STPG2: variants seen among roughly 807,000 people sequenced by gnomAD.
STPG2 encodes sperm tail PG-rich repeat containing 2, also known as sperm-tail PG-rich repeat-containing protein 2.
A neutral mutation model predicts 54.2 loss-of-function variants in STPG2; 56 were observed. The observed-to-expected ratio is 1.03, with a 90% CI of 0.83 to 1.29. The LOEUF (loss-of-function observed/expected upper bound fraction) is 1.29. Ranked by LOEUF, STPG2 falls within the 50% of genes most tolerant of loss-of-function variation. The pLI, the probability that STPG2 is intolerant of heterozygous loss-of-function variation, is 0.00. For missense variants in STPG2, 596 were observed against 544.9 expected (o/e 1.09, Z -0.93); for synonymous variants, 200 against 181.8 (o/e 1.10, Z -0.81).
Position 98,121,939 on chromosome 4 carries a change from C to T in STPG2, c.387+6489G>A, listed in dbSNP as rs190345875. On this transcript the variant is annotated intron_variant, in intron 3 of 10. Coordinates refer to ENST00000295268, the MANE Select transcript of STPG2 (RefSeq NM_174952.3). ...GTTTCACCATGTTGGCCAGGATGGT[C>T]TCAATCTCTTGACCTCGTGATCCAC... Among the ~76,000 whole-genome samples the T allele has an allele frequency of 5.9e-3, 901 of 152,218 alleles. 6 individuals carry two copies. The highest frequency in any genetic ancestry group is 0.02 in the Middle Eastern group (6 of 294).
At chr4:97,723,258 T>G (rs1169667395) in intron 9 of STPG2, among the ~76,000 whole-genome samples, 1 of 151,664 alleles carries the variant, frequency 6.6e-6, no homozygotes, top group Non-Finnish European at 1.5e-5. Context: ...ACTTTTGGAG[T>G]TTTTAGTAAG....
chr4:97,535,073 T>G (rs1416351564), intron 4 of STPG2, among the ~76,000 whole-genome samples: 2 of 152,230 alleles, frequency 1.3e-5, no homozygotes, highest in East Asian at 3.8e-4. Context: ...GAACAACATT[T>G]ATGTAAGGCT....
intron 9 of STPG2, among the ~76,000 whole-genome samples, chr4:97,794,090 A>G (rs1054799728): frequency 6.6e-6 from 1 of 152,104 alleles, no homozygotes; most frequent in Admixed American, 6.6e-5. Context: ...TTTGTAATAT[A>G]TTTATCATTA....
At chr4:98,116,488 A>G (rs758443198) in intron 3 of STPG2, among the ~76,000 whole-genome samples, 2 of 151,928 alleles carry the variant, frequency 1.3e-5, no homozygotes, top group Non-Finnish European at 2.9e-5. Flanking sequence ...ACACATAACC[A>G]GGAAGTCTGG....
intron 3 of STPG2, among the ~76,000 whole-genome samples, chr4:98,127,802 C>T (rs967726936): frequency 2.0e-5 from 3 of 152,118 alleles, no homozygotes; most frequent in African/African-American, 7.2e-5. Flanking sequence ...TATATTGTAA[C>T]TGATATTTCA....
At chr4:97,890,994 A>G (rs984039608) in intron 8 of STPG2, among the ~76,000 whole-genome samples, 2 of 152,004 alleles carry the variant, frequency 1.3e-5, no homozygotes, top group Non-Finnish European at 2.9e-5. Context: ...TTAGTATTAT[A>G]GGCATATAAT....
intron 10 of STPG2, among the ~76,000 whole-genome samples, chr4:97,707,441 C>T (rs925703958): frequency 1.6e-4 from 24 of 151,996 alleles, no homozygotes; most frequent in African/African-American, 3.6e-4. Context: ...GAATTACTTG[C>T]GCCTAGGAGG....
rs1028885100 is a variant in STPG2, at chr4:98,026,224, A to G, written c.613-44906T>C. 1.5e-5 allele frequency: 16 copies of G among 1,093,356 alleles called. No homozygotes were observed. The African/African-American group carries it at 1.6e-4, about 11-fold the overall frequency. 67.7% of individuals were successfully genotyped at this position (1,093,356 alleles called of 1,614,324 possible). On this transcript the variant is annotated intron_variant, in intron 5 of 10. Transcript: ENST00000295268. ...AGAAAGATCGGGTAGCTCAAAAGAA[A>G]GCAAGCCCCCTCAAGAGCTCAGGAG... is the stretch of plus-strand genomic sequence containing the variant.
At chr4:97,880,014 C>A (rs1484200825) in intron 8 of STPG2, among the ~76,000 whole-genome samples, 3 of 152,162 alleles carry the variant, frequency 2.0e-5, no homozygotes, top group Non-Finnish European at 2.9e-5. Context: ...CTTTTTGCAG[C>A]ATTATTCACA....
chr4:97,990,206 T>G (rs1486336448), intron 5 of STPG2, among the ~76,000 whole-genome samples: 1 of 152,218 alleles, frequency 6.6e-6, no homozygotes, highest in Non-Finnish European at 1.5e-5. Context: ...TCTTTTCTTC[T>G]GCTTTTTTGT....
intron 10 of STPG2, among the ~76,000 whole-genome samples, chr4:97,674,188 G>GATCAA (rs1560712906): frequency 7.2e-5 from 11 of 152,018 alleles, no homozygotes. Context: ...CCTCTAATCA[G>GATCAA]ATCAAAAGCT....
chr4:97,482,605 G>A (rs1730250519), intron 4 of STPG2, among the ~76,000 whole-genome samples: 1 of 151,622 alleles, frequency 6.6e-6, no homozygotes, highest in South Asian at 2.1e-4. Context: ...AGAGGAAGGA[G>A]AGAAATCTAA....
intron 10 of STPG2, among the ~76,000 whole-genome samples, chr4:97,611,872 G>A (rs1254752790): frequency 6.6e-6 from 1 of 151,732 alleles, no homozygotes; most frequent in Admixed American, 6.6e-5. Flanking sequence ...AAATGTAAAT[G>A]AATATGTATT....
intron 10 of STPG2, among the ~76,000 whole-genome samples, chr4:97,562,467 T>C (rs1732281337): frequency 6.6e-6 from 1 of 152,152 alleles, no homozygotes; most frequent in Non-Finnish European, 1.5e-5. Flanking sequence ...GGCCAGAACT[T>C]CCAACACTAT....
intron 8 of STPG2, among the ~76,000 whole-genome samples, chr4:97,904,524 G>C (rs1401527026): frequency 6.6e-6 from 1 of 152,152 alleles, no homozygotes; most frequent in African/African-American, 2.4e-5. Context: ...CAGAAAAACT[G>C]GAAACTCTAA....
chr4:97,519,876 TA>T (rs1269603858), intron 4 of STPG2, among the ~76,000 whole-genome samples: 17 of 152,140 alleles, frequency 1.1e-4, no homozygotes, highest in African/African-American at 2.2e-4. Flanking sequence ...ATTCCTGAAA[TA>T]AACTAGTTGA....
chr4:97,475,745 T>C (rs564775830), intron 4 of STPG2, among the ~76,000 whole-genome samples: 6 of 152,230 alleles, frequency 3.9e-5, no homozygotes, highest in Admixed American at 3.9e-4. Flanking sequence ...AGCTTTGCAC[T>C]TGTTGATCTT....
At chr4:98,130,921 C>CAG (rs1739971794) in intron 2 of STPG2, among the ~76,000 whole-genome samples, 1 of 41,546 alleles carries the variant, frequency 2.4e-5, no homozygotes, top group African/African-American at 9.8e-5. Context: ...GACTCCGTCT[C>CAG]AAAAAAAAAA....
intron 10 of STPG2, among the ~76,000 whole-genome samples, chr4:97,560,752 AAAG>A (rs1159015889): frequency 1.1e-4 from 16 of 152,230 alleles, no homozygotes; most frequent in African/African-American, 3.6e-4. Flanking sequence ...ACAACATAGT[AAAG>A]AAGATCAGAG....
Sources: gnomAD v4.1 joint callset for allele counts (sites outside exome capture counted in the v4.1 genomes callset) on GRCh38, gnomAD v4.1.1 for gene constraint, MANE v1.5 for transcripts, NCBI Gene and HGNC (gene_info 2026-07-23, HGNC 2026-07-21) for gene names.